RNF24: variants seen among roughly 807,000 people sequenced by gnomAD.
The protein encoded by RNF24 is ring finger protein 24.
Under a neutral mutation model 20.0 loss-of-function variants are expected in RNF24, and 14 were observed. That is an observed-to-expected ratio of 0.70 (90% CI 0.46 to 1.10). RNF24 has a LOEUF of 1.10. RNF24 is among the 50% of genes least tolerant of loss of function. The probability of loss-of-function intolerance (pLI) is 0.00; values close to 1 mark genes in which losing one functional copy is unlikely to be tolerated. For missense variants in RNF24, 124 were observed against 177.6 expected, an observed-to-expected ratio of 0.70 and a Z score of 1.71; for synonymous variants, 45 against 61.1, an observed-to-expected ratio of 0.74 and a Z score of 1.23.
At chr20:3,986,225 C>CTTTCCTCCTTCCTTCCT (rs956584435) in intron 1 of RNF24, among the ~76,000 whole-genome samples, 1 of 151,832 alleles carries the variant, frequency 6.6e-6, no homozygotes, top group East Asian at 1.9e-4. Flanking sequence ...TCTTCCTTCC[C>CTTTCCTCCTTCCTTCCT]TTTCCTCCTT....
intron 1 of RNF24, among the ~76,000 whole-genome samples, chr20:3,969,517 A>AG (rs1292170790): frequency 1.3e-5 from 2 of 152,064 alleles, no homozygotes; most frequent in South Asian, 2.1e-4. Flanking sequence ...AAAAAAAAAA[A>AG]AAAGCCCTAA....
At chr20:4,009,391 C>T (rs913811944) in intron 1 of RNF24, among the ~76,000 whole-genome samples, 2 of 151,998 alleles carry the variant, frequency 1.3e-5, no homozygotes, top group African/African-American at 4.8e-5. Context: ...GCTGATGATG[C>T]AAGAGAGAGG....
At chr20:3,977,303 C>T (rs1978946372) in intron 1 of RNF24, among the ~76,000 whole-genome samples, 1 of 152,050 alleles carries the variant, frequency 6.6e-6, no homozygotes, top group Non-Finnish European at 1.5e-5. Context: ...TTTTGAAAAG[C>T]TATAACTACT....
intron 2 of RNF24, among the ~76,000 whole-genome samples, chr20:3,957,516 A>T (rs532132814): frequency 6.6e-6 from 1 of 151,938 alleles, no homozygotes; most frequent in South Asian, 2.1e-4. Flanking sequence ...TTCCATTAGA[A>T]GTCATTAAAA....
At chr20:3,984,524 A>G (rs1274444602) in intron 1 of RNF24, among the ~76,000 whole-genome samples, 1 of 152,184 alleles carries the variant, frequency 6.6e-6, no homozygotes, top group Non-Finnish European at 1.5e-5. Context: ...TCTACAACTT[A>G]TATTTCAAAG....
At chr20:3,967,973 C>CAAAAAAAAAAAAAAAAA (rs58984163) in intron 1 of RNF24, among the ~76,000 whole-genome samples, 10 of 77,168 alleles carry the variant, frequency 1.3e-4, no homozygotes, top group East Asian at 3.4e-4. Context: ...AGCCTGGCAA[C>CAAAAAAAAAAAAAAAAA]AAAAAAAAAA....
At chr20:3,965,853 G>C (rs2091251358) in intron 1 of RNF24, among the ~76,000 whole-genome samples, 1 of 152,172 alleles carries the variant, frequency 6.6e-6, no homozygotes, top group Admixed American at 6.6e-5. Flanking sequence ...AAGGGATTAG[G>C]CCAGGTGCAG....
chr20:4,006,315 G>A (rs1047350293), intron 1 of RNF24, among the ~76,000 whole-genome samples: 21 of 151,554 alleles, frequency 1.4e-4, no homozygotes, highest in African/African-American at 4.9e-4. Context: ...GTTGCGGTGA[G>A]CAGAAAGAGC....
intron 4 of RNF24, among the ~76,000 whole-genome samples, chr20:3,936,695 C>T (rs894434498): frequency 6.6e-6 from 1 of 152,214 alleles, no homozygotes; most frequent in Non-Finnish European, 1.5e-5. Flanking sequence ...TTCCTCTCAG[C>T]CCCGCCTTCC....
At chr20:4,004,103 T>C (rs945633434) in intron 1 of RNF24, among the ~76,000 whole-genome samples, 15 of 152,222 alleles carry the variant, frequency 9.9e-5, no homozygotes, top group African/African-American at 3.4e-4. Context: ...AATGCATTAG[T>C]TATCGTTCCT....
chr20:3,964,452 T>G (rs1180124150), intron 1 of RNF24, among the ~76,000 whole-genome samples: 1 of 152,158 alleles, frequency 6.6e-6, no homozygotes, highest in Admixed American at 6.5e-5. Context: ...CTGAGATATC[T>G]CACAAGGAAA....
rs11468648 is a variant in RNF24, at chr20:4,010,048, C to CACAA, written c.-8+5385_-8+5388dup. On this transcript the variant is annotated intron_variant, in intron 1 of 5. Transcript: ENST00000358395. ...CCTGGGTGAAAGAGTGAGACCCTGT[C>CACAA]ACAAACAAACAAACAAACAAACAAA... Among the ~76,000 whole-genome samples, 254 of 147,462 alleles carry CACAA rather than the reference C, an allele frequency of 1.7e-3. 1 individual carries two copies. The highest frequency in any genetic ancestry group is 5.7e-3 in the East Asian group (28 of 4,940).
At chr20:3,986,649 A>ATT (rs36005352) in intron 1 of RNF24, among the ~76,000 whole-genome samples, 16 of 138,912 alleles carry the variant, frequency 1.2e-4, no homozygotes, top group South Asian at 4.6e-4. Flanking sequence ...ATGCAGTATA[A>ATT]TTTTTTTTTT....
chr20:4,014,390 T>C (rs1261885076), intron 1 of RNF24, among the ~76,000 whole-genome samples: 1 of 152,190 alleles, frequency 6.6e-6, no homozygotes, highest in African/African-American at 2.4e-5. Flanking sequence ...TATTGGAGTA[T>C]TCCTATAGAC....
chr20:3,947,956 G>A (rs576766411), intron 3 of RNF24, among the ~76,000 whole-genome samples: 1 of 151,772 alleles, frequency 6.6e-6, no homozygotes. Context: ...TGAGGCAGGA[G>A]AATAGCTTGA....
intron 1 of RNF24, among the ~76,000 whole-genome samples, chr20:3,984,194 C>A (rs1979680703): frequency 6.6e-6 from 1 of 151,714 alleles, no homozygotes; most frequent in African/African-American, 2.4e-5. Flanking sequence ...CAGATCATAC[C>A]ACTGCACTCC....
intron 4 of RNF24, among the ~76,000 whole-genome samples, chr20:3,940,978 C>T (rs550313539): frequency 2.0e-5 from 3 of 152,148 alleles, no homozygotes; most frequent in African/African-American, 7.2e-5. Context: ...TGCATAGCAA[C>T]AGAAATGGTA....
In RNF24 at chr20:3,930,259, C is replaced by T. The variant is rs1013499829; in HGVS notation, c.*3804G>A. 1.3e-5 allele frequency: 2 copies of T among 152,244 alleles called. No individual in the cohort carries two copies. Among genetic ancestry groups the T allele is most frequent in the East Asian group, 1.9e-4 (1 of 5,200 alleles). The allele number at this position is 152,244 out of a possible 1,614,324, so 9.4% of individuals were successfully genotyped here. On this transcript the variant is annotated 3_prime_UTR_variant, in exon 6 of 6. Transcript: ENST00000358395. ...CACTGAACAACCAAGTCAGAGTTCA[C>T]TGTGGGCAAAGGCAGAGATGACCAA...
intron 1 of RNF24, among the ~76,000 whole-genome samples, chr20:4,011,969 G>C (rs1227671121): frequency 6.6e-6 from 1 of 152,190 alleles, no homozygotes; most frequent in Non-Finnish European, 1.5e-5. Context: ...AAAGAAACCA[G>C]TAAGAGTTGA....
Sources: gnomAD v4.1 joint callset for allele counts (sites outside exome capture counted in the v4.1 genomes callset) on GRCh38, gnomAD v4.1.1 for gene constraint, MANE v1.5 for transcripts, NCBI Gene and HGNC (gene_info 2026-07-23, HGNC 2026-07-21) for gene names.